CDH18: variants seen among roughly 807,000 people sequenced by gnomAD.
The protein encoded by CDH18 is cadherin 18.
Under a neutral mutation model 67.9 loss-of-function variants are expected in CDH18, and 31 were observed. The ratio of observed to expected loss-of-function variants is 0.46; its 90% CI spans 0.34 to 0.62. The LOEUF is 0.62. Ranked by LOEUF, CDH18 falls within the 20% of genes least tolerant of loss-of-function variation. CDH18 has a pLI of 0.01. For missense variants in CDH18, 890 were observed against 975.5 expected, an observed-to-expected ratio of 0.91 and a Z score of 1.17; for synonymous variants, 362 against 347.2, an observed-to-expected ratio of 1.04 and a Z score of -0.48.
intron 2 of CDH18, among the ~76,000 whole-genome samples, chr5:20,220,867 A>G (rs1580511714): frequency 6.6e-6 from 1 of 152,158 alleles, no homozygotes; most frequent in East Asian, 1.9e-4. Flanking sequence ...TGTATATGAA[A>G]TGTGCTCAAT....
chr5:19,746,144 T>C (rs143279988), intron 4 of CDH18, among the ~76,000 whole-genome samples: 196 of 152,226 alleles, frequency 1.3e-3, no homozygotes, highest in African/African-American at 4.6e-3. Flanking sequence ...TTTTAAAAAA[T>C]CATCCCATGA....
Position 20,252,328 on chromosome 5 carries a change from C to T in CDH18, c.-518+3116G>A, listed in dbSNP as rs541431646. On this transcript the variant is annotated intron_variant, in intron 2 of 14. Transcript: ENST00000507958. ...ATCACGCCACTGCACTCCAGCCTGG[C>T]GACAGAGCAAGACTCTGTCTCAAAC... 3.3e-5 allele frequency among the ~76,000 whole-genome samples: 5 copies of T among 150,852 alleles called. No individual in the cohort carries two copies. The South Asian group carries it at 6.3e-4, about 19-fold the overall frequency.
At chr5:20,535,214 G>C (rs992391) in intron 1 of CDH18, among the ~76,000 whole-genome samples, 48,498 of 151,910 alleles carry the variant, frequency 0.32, 9,294 homozygotes, top group African/African-American at 0.53. Context: ...TGTGGTTGTA[G>C]GACTGAAGTG....
intron 6 of CDH18, among the ~76,000 whole-genome samples, chr5:19,597,079 G>A (rs958369929): frequency 2.6e-5 from 4 of 152,150 alleles, no homozygotes; most frequent in Non-Finnish European, 5.9e-5. Context: ...TCTATCATGG[G>A]AACACTTTCT....
chr5:19,889,873 G>A (rs1003403705), intron 2 of CDH18, among the ~76,000 whole-genome samples: 4 of 152,150 alleles, frequency 2.6e-5, no homozygotes, highest in African/African-American at 9.7e-5. Flanking sequence ...TGCTCCAGAA[G>A]AGAATTACAT....
At chr5:19,960,615 A>C (rs999588339) in intron 2 of CDH18, among the ~76,000 whole-genome samples, 8 of 133,960 alleles carry the variant, frequency 6.0e-5, no homozygotes, top group Non-Finnish European at 1.1e-4. Context: ...ACACACGTGT[A>C]TATATATACA....
At position 19,472,528 on chromosome 5, in the gene CDH18, A is replaced by C. The variant is rs1031431032; in HGVS notation, c.*698T>G. Among the ~76,000 whole-genome samples the C allele has an allele frequency of 6.6e-6, 1 of 152,136 alleles. No homozygotes were observed. Among genetic ancestry groups the C allele is most frequent in the Non-Finnish European group, 1.5e-5 (1 of 68,022 alleles). On this transcript the variant is annotated 3_prime_UTR_variant, in exon 13 of 13. Coordinates refer to ENST00000382275, the MANE Select transcript of CDH18 (RefSeq NM_004934.5). Reference sequence around the variant, plus strand: ...ATCCCATTAAAATAAAAGGGGGTGTACGGGATAGAGACAATAGTCTCGTGC... The same window carrying C: ...ATCCCATTAAAATAAAAGGGGGTGTCCGGGATAGAGACAATAGTCTCGTGC...
At chr5:19,477,460 C>T (rs1199636220) in intron 12 of CDH18, among the ~76,000 whole-genome samples, 1 of 151,636 alleles carries the variant, frequency 6.6e-6, no homozygotes, top group Admixed American at 6.6e-5. Flanking sequence ...TTACCCTGAA[C>T]AGTAATAGCC....
intron 1 of CDH18, among the ~76,000 whole-genome samples, chr5:20,433,134 G>T (rs1748895336): frequency 6.6e-6 from 1 of 150,978 alleles, no homozygotes; most frequent in Non-Finnish European, 1.5e-5. Context: ...GGGCTAAATT[G>T]TGTCCTTCTC....
chr5:19,516,129 A>G (rs1745953577), intron 10 of CDH18, among the ~76,000 whole-genome samples: 1 of 151,926 alleles, frequency 6.6e-6, no homozygotes, highest in African/African-American at 2.4e-5. Flanking sequence ...GTCTTTGGAT[A>G]TGTTTATGTG....
chr5:20,337,646 T>C (rs1739898229), intron 1 of CDH18, among the ~76,000 whole-genome samples: 1 of 152,160 alleles, frequency 6.6e-6, no homozygotes, highest in South Asian at 2.1e-4. Context: ...GTCAAAGCCA[T>C]TCAACAAGTC....
At chr5:20,237,734 C>T (rs1742587213) in intron 2 of CDH18, among the ~76,000 whole-genome samples, 1 of 152,074 alleles carries the variant, frequency 6.6e-6, no homozygotes, top group Admixed American at 6.5e-5. Context: ...CAATTTTTCA[C>T]AAGTTCATCT....
intron 11 of CDH18, among the ~76,000 whole-genome samples, chr5:19,489,671 A>T (rs79873302): frequency 0.046 from 6,956 of 152,122 alleles, 220 homozygotes; most frequent in African/African-American, 0.093. Flanking sequence ...GCTGCCATCT[A>T]TTACCAAGAT....
intron 11 of CDH18, among the ~76,000 whole-genome samples, chr5:19,500,740 T>G (rs1743092576): frequency 1.3e-5 from 2 of 152,312 alleles, no homozygotes; most frequent in African/African-American, 4.8e-5. Context: ...ACAAACTCTT[T>G]TAAAAGCATG....
At chr5:20,551,619 T>A (rs930135668) in intron 1 of CDH18, among the ~76,000 whole-genome samples, 2 of 152,178 alleles carry the variant, frequency 1.3e-5, no homozygotes, top group African/African-American at 2.4e-5. Context: ...CTGATCTCTG[T>A]TATTCAACTG....
chr5:20,362,334 G>A (rs1364064213), intron 1 of CDH18, among the ~76,000 whole-genome samples: 1 of 152,098 alleles, frequency 6.6e-6, no homozygotes, highest in African/African-American at 2.4e-5. Context: ...AAATTAATAA[G>A]GAGGAGGACT....
intron 8 of CDH18, among the ~76,000 whole-genome samples, chr5:19,556,173 G>A (rs1461774204): frequency 6.6e-6 from 1 of 152,114 alleles, no homozygotes; most frequent in Non-Finnish European, 1.5e-5. Flanking sequence ...CAAATGAGAA[G>A]AGACCAGAAA....
At chr5:20,283,594 G>A (rs1391897489) in intron 1 of CDH18, among the ~76,000 whole-genome samples, 1 of 151,972 alleles carries the variant, frequency 6.6e-6, no homozygotes, top group Non-Finnish European at 1.5e-5. Context: ...CAAAAGACAG[G>A]CAATAATAAA....
chr5:19,785,448 T>G (rs963115190), intron 3 of CDH18, among the ~76,000 whole-genome samples: 1 of 149,816 alleles, frequency 6.7e-6, no homozygotes, highest in South Asian at 2.1e-4. Flanking sequence ...GGGTTGGGAG[T>G]TCGAGATCAG....
Sources: gnomAD v4.1 joint callset for allele counts (sites outside exome capture counted in the v4.1 genomes callset) on GRCh38, gnomAD v4.1.1 for gene constraint, MANE v1.5 for transcripts, NCBI Gene and HGNC (gene_info 2026-07-23, HGNC 2026-07-21) for gene names.